Variants in BCL2L14 observed in about 807,000 individuals in gnomAD.
The protein encoded by BCL2L14 is apoptosis facilitator Bcl-2-like protein 14.
A neutral mutation model predicts 35.3 loss-of-function variants in BCL2L14; 27 were observed. The ratio of observed to expected loss-of-function variants is 0.76; its 90% CI spans 0.56 to 1.05. BCL2L14 has a LOEUF of 1.05. Among genes scored for constraint, BCL2L14 ranks in the 50% least tolerant of loss-of-function variants. BCL2L14 has a pLI of 0.00. For synonymous variants in BCL2L14, 139 were observed against 145.9 expected, an observed-to-expected ratio of 0.95 and a Z score of 0.34; for missense variants, 377 against 382.6, an observed-to-expected ratio of 0.99 and a Z score of 0.12.
intron 1 of BCL2L14, among the ~76,000 whole-genome samples, chr12:12,050,625 G>A (rs542137653): frequency 9.3e-5 from 14 of 151,350 alleles, no homozygotes; most frequent in East Asian, 3.9e-4. Context: ...AGTGCGACCC[G>A]TAATTTGAGA....
At chr12:12,094,466 T>C in intron 4 of BCL2L14, 198 bp from the exon 5 acceptor site, 1 of 1,481,834 alleles carries the variant, frequency 6.7e-7, no homozygotes, top group South Asian at 1.1e-5. Flanking sequence ...TTTGTGCTGA[T>C]GAAATGAATT....
chr12:12,062,964 CTT>C, intron 2 of BCL2L14, among the ~76,000 whole-genome samples: 1 of 152,316 alleles, frequency 6.6e-6, no homozygotes, highest in South Asian at 2.1e-4. Flanking sequence ...CTGAACAATA[CTT>C]TTACCACTTT....
Position 12,087,392 on chromosome 12 carries a change from C to CTTTCCTTCCCTGGTGGAGTGT in BCL2L14, c.607+19_607+20insTGGAGTGTTTTCCTTCCCTGG. ...AGCTTCAAGTTCTAAGAAAGGTAAG[C>CTTTCCTTCCCTGGTGGAGTGT]TTTCCTTCCCTGGGTGGAGTGTTTG... On this transcript the variant is annotated splice_region_variant and intron_variant, in intron 3 of 5. Transcript: ENST00000308721. 1 of 1,613,618 alleles carries CTTTCCTTCCCTGGTGGAGTGT rather than the reference C, an allele frequency of 6.2e-7. No homozygotes were observed. The highest frequency in any genetic ancestry group is 8.5e-7 in the Non-Finnish European group (1 of 1,179,800).
chr12:12,090,715 C>T, intron 3 of BCL2L14, 64 bp from the exon 4 acceptor site: 1 of 1,363,088 alleles, frequency 7.3e-7, no homozygotes, highest in South Asian at 1.2e-5. Flanking sequence ...TTCATTGTCC[C>T]TGGAAAAATG....
intron 1 of BCL2L14, among the ~76,000 whole-genome samples, chr12:12,075,087 CTCTT>C (rs1206981678): frequency 1.3e-5 from 2 of 151,788 alleles, no homozygotes; most frequent in Non-Finnish European, 2.9e-5. Context: ...TAATTGATGT[CTCTT>C]TTTTTTTAAT....
intron 1 of BCL2L14, chr12:12,050,091 A>ACT (rs1413099247): frequency 6.6e-6 from 1 of 152,272 alleles, no homozygotes; most frequent in Non-Finnish European, 1.5e-5. Flanking sequence ...TATGGCAGAT[A>ACT]GTCTACTGAC....
In BCL2L14 at chr12:12,087,299, G is replaced by A. The variant is rs746655527; in HGVS notation, c.520G>A (p.Gly174Ser). The change falls in exon 3 of 6, where the codon GGC (glycine) becomes AGC (serine). Residue 174 changes from glycine (G) to serine (S), a missense_variant. Physicochemically the swap from Gly to Ser is moderately conservative, Grantham distance 56. Transcript: ENST00000308721. Reference protein sequence around the residue: ...WPPPQATQAGGFKSKEIFVTE... With the variant: ...WPPPQATQAGSFKSKEIFVTE... The stretch of plus-strand genomic sequence containing the variant: ...ACCACCACAAGCGACCCAGGCAGGA[G>A]GCTTCAAGTCCAAAGAGATTTTTGT... The A allele has an allele frequency of 1.9e-6, 3 of 1,614,232 alleles. No homozygotes were observed. The highest frequency in any genetic ancestry group is 1.7e-6 in the Non-Finnish European group (2 of 1,180,024).
At chr12:12,079,853 C>T in intron 2 of BCL2L14, 115 bp downstream of exon 2, 1 of 1,029,280 alleles carries the variant, frequency 9.7e-7, no homozygotes, top group Non-Finnish European at 1.4e-6. Context: ...ATGCGTTGTG[C>T]CTCAGCTTTC....
chr12:12,066,456 T>TA (rs1380199208), upstream of BCL2L14, among the ~76,000 whole-genome samples: 1 of 152,238 alleles, frequency 6.6e-6, no homozygotes, highest in African/African-American at 2.4e-5. Context: ...ATGGGCTTTT[T>TA]ATCTATATTA....
chr12:12,095,523 CCA>C (rs1281134320), intron 5 of BCL2L14: 6 of 985,324 alleles, frequency 6.1e-6, no homozygotes, highest in Non-Finnish European at 7.2e-6. Flanking sequence ...TCCCTCATCC[CCA>C]GTTCCTCAGG....
intron 1 of BCL2L14, among the ~76,000 whole-genome samples, chr12:12,078,834 G>A (rs1948842085): frequency 6.6e-6 from 1 of 151,136 alleles, no homozygotes; most frequent in African/African-American, 2.4e-5. Flanking sequence ...GTCTCACTCT[G>A]TCGCCAGGCT....
intron 2 of BCL2L14, among the ~76,000 whole-genome samples, chr12:12,082,101 AG>A (rs1239507718): frequency 6.6e-6 from 1 of 152,230 alleles, no homozygotes; most frequent in Non-Finnish European, 1.5e-5. Flanking sequence ...GGATCATCTG[AG>A]GGAACCTCAT....
intron 2 of BCL2L14, 141 bp from the exon 3 acceptor site, chr12:12,087,072 A>G (rs1322300780): frequency 3.1e-5 from 28 of 912,490 alleles, no homozygotes; most frequent in Non-Finnish European, 4.7e-5. Flanking sequence ...TTTCTGAAGA[A>G]TGACCCTCCC....
intron 2 of BCL2L14, among the ~76,000 whole-genome samples, chr12:12,057,467 G>A (rs1307534975): frequency 6.6e-6 from 1 of 152,136 alleles, no homozygotes; most frequent in East Asian, 1.9e-4. Flanking sequence ...CCAGAAAAGA[G>A]GTGAAGAGAG....
At chr12:12,075,529 G>T (rs969947470) in intron 1 of BCL2L14, among the ~76,000 whole-genome samples, 1 of 151,968 alleles carries the variant, frequency 6.6e-6, no homozygotes, top group Non-Finnish European at 1.5e-5. Context: ...GGGTTCAAGT[G>T]ATTCTCCTGC....
chr12:12,066,827 C>A (rs186462560), upstream of BCL2L14, among the ~76,000 whole-genome samples: 354 of 151,544 alleles, frequency 2.3e-3, 2 homozygotes, highest in African/African-American at 8.2e-3. Flanking sequence ...TCTCCTGCCT[C>A]AGCCTCCTGA....
At chr12:12,070,937 G>A (rs1244422973), upstream of BCL2L14, 3 of 152,142 alleles carry the variant, frequency 2.0e-5, no homozygotes, top group African/African-American at 7.2e-5. Context: ...CCTTCTTTAA[G>A]CCTCTTTTCA....
In BCL2L14 at chr12:12,059,438, A is replaced by G. The variant is rs139455625; in HGVS notation, c.-272+7591A>G. On this transcript the variant is annotated intron_variant, in intron 2 of 3. Transcript: ENST00000461264. ...TCCCTTATTTCTGCACCCTGACCTC[A>G]TATCTCTGTGCCCCAATCCCTTATT... Among the ~76,000 whole-genome samples the G allele has an allele frequency of 3.6e-3, 541 of 148,488 alleles. 13 individuals are homozygous for G. Among genetic ancestry groups the G allele is most frequent in the East Asian group, 0.026 (132 of 5,146 alleles).
At chr12:12,086,456 C>T (rs142783504) in intron 2 of BCL2L14, among the ~76,000 whole-genome samples, 1 of 152,250 alleles carries the variant, frequency 6.6e-6, no homozygotes, top group Non-Finnish European at 1.5e-5. Flanking sequence ...GGCGACTGGT[C>T]TCTTATAGGC....
Sources: allele counts gnomAD v4.1 joint callset (sites outside exome capture counted in the v4.1 genomes callset), GRCh38; gene constraint gnomAD v4.1.1; transcripts MANE v1.5; gene names NCBI Gene and HGNC (gene_info 2026-07-23, HGNC 2026-07-21).